The following ERH variants were observed in gnomAD, a reference collection of about 807,000 sequenced individuals.
ERH encodes ERH mRNA splicing and mitosis factor, also known as enhancer of rudimentary homolog.
A neutral mutation model predicts 16.8 loss-of-function variants in ERH; 1 was observed. The ratio of observed to expected loss-of-function variants is 0.06; its 90% CI spans 0.02 to 0.28. ERH has a LOEUF of 0.28. Ranked by LOEUF, ERH falls within the 10% of genes least tolerant of loss-of-function variation. The probability of loss-of-function intolerance (pLI) is 1.00; values close to 1 mark genes in which losing one functional copy is unlikely to be tolerated. For missense variants in ERH, 42 were observed against 127.5 expected (o/e 0.33, Z 3.23); for synonymous variants, 43 against 43.6 (o/e 0.99, Z 0.05).
chr14:69,391,108 T>G (rs1389051469), intron 2 of ERH, among the ~76,000 whole-genome samples: 1 of 152,180 alleles, frequency 6.6e-6, no homozygotes, highest in Non-Finnish European at 1.5e-5. Context: ...CCACATAATC[T>G]AGCAATCACT....
At chr14:69,387,420 C>A (rs1440221622) in intron 2 of ERH, among the ~76,000 whole-genome samples, 1 of 151,996 alleles carries the variant, frequency 6.6e-6, no homozygotes, top group African/African-American at 2.4e-5. Flanking sequence ...ATTAGCCAGG[C>A]GTGATGGCGT....
chr14:69,381,534 T>C (rs2045863566), intron 3 of ERH, among the ~76,000 whole-genome samples: 1 of 152,064 alleles, frequency 6.6e-6, no homozygotes, highest in Non-Finnish European at 1.5e-5. Context: ...GTACACAGAC[T>C]AGCATTAGCA....
chr14:69,387,420 C>T (rs1440221622), intron 2 of ERH, among the ~76,000 whole-genome samples: 2 of 152,114 alleles, frequency 1.3e-5, no homozygotes, highest in South Asian at 2.1e-4. Context: ...ATTAGCCAGG[C>T]GTGATGGCGT....
At chr14:69,398,148 G>C in intron 1 of ERH, 83 bp downstream of exon 1, 1 of 1,528,282 alleles carries the variant, frequency 6.5e-7, no homozygotes. Context: ...CATGGGGCTC[G>C]TGGGGAGGGG....
intron 2 of ERH, among the ~76,000 whole-genome samples, chr14:69,389,468 G>A (rs2045911671): frequency 6.6e-6 from 1 of 152,172 alleles, no homozygotes; most frequent in African/African-American, 2.4e-5. Flanking sequence ...GAGATAACAG[G>A]CCTTCAGATT....
chr14:69,394,947 T>C (rs780695599), intron 1 of ERH, 35 bp from the exon 2 acceptor site: 1 of 1,432,218 alleles, frequency 7.0e-7, no homozygotes, highest in Non-Finnish European at 9.7e-7. Flanking sequence ...TATAAGTTTC[T>C]ATTTGAGAAA....
chr14:69,394,104 T>C (rs1156405065), intron 2 of ERH, among the ~76,000 whole-genome samples: 2 of 151,824 alleles, frequency 1.3e-5, no homozygotes, highest in Admixed American at 6.6e-5. Context: ...CTTAAATCTA[T>C]TAAAACAACC....
At chr14:69,382,557 G>T (rs1269980543) in intron 3 of ERH, among the ~76,000 whole-genome samples, 6 of 151,998 alleles carry the variant, frequency 3.9e-5, no homozygotes, top group Non-Finnish European at 8.8e-5. Context: ...AGTAGGCCAG[G>T]TGCCAGTGGC....
At chr14:69,382,140 G>T (rs959787849) in intron 3 of ERH, among the ~76,000 whole-genome samples, 1 of 152,146 alleles carries the variant, frequency 6.6e-6, no homozygotes, top group African/African-American at 2.4e-5. Flanking sequence ...ACAATTTTTG[G>T]CAAGGGAAAT....
chr14:69,393,563 A>G (rs1566901242), intron 2 of ERH, among the ~76,000 whole-genome samples: 1 of 152,208 alleles, frequency 6.6e-6, no homozygotes, highest in Middle Eastern at 3.2e-3. Flanking sequence ...GTAACTCAGA[A>G]AGTCAAACAT....
chr14:69,397,452 G>GAA lies in ERH; in HGVS notation c.3+777_3+778dup, dbSNP rs201254745. ...CAATACCTAGAGGTCTCAAAAACAG[G>GAA]AAAAAAAAAAAAAAGGCAGAGCACA... is the stretch of plus-strand genomic sequence containing the variant. On this transcript the variant is annotated intron_variant, in intron 1 of 3. Transcript: ENST00000557016. Among the ~76,000 whole-genome samples, 707 of 127,418 alleles carry GAA rather than the reference G, an allele frequency of 5.5e-3. 7 individuals carry two copies. The highest frequency in any genetic ancestry group is 0.018 in the African/African-American group (616 of 33,536). The allele number at this position is 127,418 out of a possible 152,430, so 83.6% of individuals were successfully genotyped here. A position where few individuals can be genotyped will look rare whatever the true frequency, so the allele number is the denominator to read the frequency against.
intron 3 of ERH, chr14:69,386,661 C>A: frequency 4.6e-6 from 1 of 218,000 alleles, no homozygotes; most frequent in Non-Finnish European, 8.9e-6. Context: ...GGCTTTAAGA[C>A]AAAGACTGTA....
chr14:69,397,378 TATAA>T (rs1480811856), intron 1 of ERH, among the ~76,000 whole-genome samples: 1 of 147,442 alleles, frequency 6.8e-6, no homozygotes, highest in African/African-American at 2.5e-5. Flanking sequence ...CCCAAGAGGA[TATAA>T]ATACAGATAA....
intron 1 of ERH, among the ~76,000 whole-genome samples, chr14:69,397,792 C>T (rs1030896602): frequency 1.3e-5 from 2 of 152,198 alleles, no homozygotes; most frequent in African/African-American, 4.8e-5. Flanking sequence ...GTGGCGGGCG[C>T]CTGTAATCCC....
chr14:69,394,921 GA>G lies in ERH; in HGVS notation c.4-10del. 6.3e-7 allele frequency: 1 copy of G among 1,589,900 alleles called. No individual in the cohort carries two copies. ...AGCAAAATGGTGTGAGACTGCAGGGGAAAACATGATTTCAATATAAGTTTCT... is the reference window on the plus strand; with the variant it reads ...AGCAAAATGGTGTGAGACTGCAGGGGAAACATGATTTCAATATAAGTTTCT... On this transcript the variant is annotated splice_polypyrimidine_tract_variant and intron_variant, in intron 1 of 3. Transcript: ENST00000557016.
intron 2 of ERH, among the ~76,000 whole-genome samples, chr14:69,390,640 A>G (rs2045918944): frequency 6.6e-6 from 1 of 152,248 alleles, no homozygotes; most frequent in Non-Finnish European, 1.5e-5. Context: ...TTTCTTAGAT[A>G]TGACACCAAA....
chr14:69,394,745 T>A (rs1264106686), intron 2 of ERH, 80 bp downstream of exon 2: 7 of 812,976 alleles, frequency 8.6e-6, no homozygotes, highest in African/African-American at 1.8e-5. Flanking sequence ...GATGGACTAT[T>A]AAAAAAAAAA....
chr14:69,391,654 C>CAG (rs1882213633), intron 2 of ERH, among the ~76,000 whole-genome samples: 1 of 21,944 alleles, frequency 4.6e-5, no homozygotes, highest in African/African-American at 1.3e-4. Context: ...TCTCGCACGC[C>CAG]AAAAAAAAAA....
intron 2 of ERH, among the ~76,000 whole-genome samples, chr14:69,390,965 C>A (rs1279925137): frequency 1.3e-5 from 2 of 152,188 alleles, no homozygotes; most frequent in African/African-American, 4.8e-5. Context: ...TGGCTAAAAT[C>A]TAAATCAGTG....
Sources: gnomAD v4.1 joint callset for allele counts (sites outside exome capture counted in the v4.1 genomes callset) on GRCh38, gnomAD v4.1.1 for gene constraint, MANE v1.5 for transcripts, NCBI Gene and HGNC (gene_info 2026-07-23, HGNC 2026-07-21) for gene names.